Variants in CCDC15 observed in about 807,000 individuals in gnomAD.
The protein encoded by CCDC15 is coiled-coil domain containing 15, also known as coiled-coil domain-containing protein 15.
In CCDC15, 105 loss-of-function variants were observed where a neutral mutation model predicts 114.5. The ratio of observed to expected loss-of-function variants is 0.92; its 90% CI spans 0.78 to 1.08. The LOEUF (loss-of-function observed/expected upper bound fraction) is 1.08. Ranked by LOEUF, CCDC15 falls within the 50% of genes least tolerant of loss-of-function variation. The pLI is 0.00. For synonymous variants in CCDC15, 334 were observed against 377.8 expected (o/e 0.88, Z 1.34); for missense variants, 1,105 against 1,093.6 (o/e 1.01, Z -0.15).
Position 124,964,692 on chromosome 11 carries a change from T to G in CCDC15, c.516+4689T>G, listed in dbSNP as rs993451618. On this transcript the variant is annotated intron_variant, in intron 4 of 15. Coordinates refer to ENST00000344762, the MANE Select transcript of CCDC15 (RefSeq NM_025004.3). ...CTAACACTGTGTTGAGTAGGAGTGG[T>G]GAGAGAGGGCATCGCTGTCTTGTGC... is the stretch of plus-strand genomic sequence containing the variant. 5.9e-5 allele frequency among the ~76,000 whole-genome samples: 9 copies of G among 152,316 alleles called. No individual in the cohort carries two copies. In the East Asian group the frequency reaches 1.7e-3, roughly 29 times the overall value.
In CCDC15 at chr11:124,954,383, C is replaced by T. The variant is rs559570694; in HGVS notation, c.-10+13C>T. On this transcript the variant is annotated intron_variant, in intron 1 of 15. Transcript: ENST00000344762. ...GCTGCAGACACAGGTCCCCGCCCCT[C>T]CCTCTTTCTCCGGGTTGCAGCTGTC... is the stretch of plus-strand genomic sequence containing the variant. 2 of 197,448 alleles carry T rather than the reference C, an allele frequency of 1.0e-5. No individual in the cohort carries two copies. Among genetic ancestry groups the T allele is most frequent in the South Asian group, 8.1e-5 (1 of 12,286 alleles). 12.2% of individuals were successfully genotyped at this position (197,448 alleles called of 1,614,324 possible). A position where few individuals can be genotyped will look rare whatever the true frequency, so the allele number is the denominator to read the frequency against.
intron 4 of CCDC15, among the ~76,000 whole-genome samples, chr11:124,967,383 A>T (rs1450108828): frequency 6.6e-6 from 1 of 151,950 alleles, no homozygotes; most frequent in Non-Finnish European, 1.5e-5. Context: ...CATTAATTTG[A>T]TCTTCAGTCA....
At chr11:125,018,379 A>G (rs1218424383) in intron 13 of CCDC15, among the ~76,000 whole-genome samples, 1 of 152,090 alleles carries the variant, frequency 6.6e-6, no homozygotes, top group Non-Finnish European at 1.5e-5. Flanking sequence ...AGGCTATACC[A>G]TCTAGGTTTG....
At chr11:124,955,011 G>C (rs1240854989) in intron 2 of CCDC15, 102 bp downstream of exon 2, 1 of 1,025,544 alleles carries the variant, frequency 9.8e-7, no homozygotes, top group Non-Finnish European at 1.4e-6. Flanking sequence ...CGAGGATGCT[G>C]TTTCTATTCT....
At chr11:124,999,620 A>AT (rs1454382160) in intron 11 of CCDC15, among the ~76,000 whole-genome samples, 10 of 151,734 alleles carry the variant, frequency 6.6e-5, no homozygotes, top group African/African-American at 1.9e-4. Context: ...TTGGATCTGC[A>AT]TTTTTTTAAT....
In CCDC15 at chr11:125,040,728, A is replaced by G; in HGVS notation, c.*17A>G. The G allele has an allele frequency of 6.2e-7, 1 of 1,607,826 alleles. No homozygotes were observed. Among genetic ancestry groups the G allele is most frequent in the Non-Finnish European group, 8.5e-7 (1 of 1,176,418 alleles). ...AATCTATAATAAGAATCTGAAATTA[A>G]CTGGTAGTATTTTGGCTTTTACTTA... On this transcript the variant is annotated 3_prime_UTR_variant, in exon 16 of 16. Coordinates refer to ENST00000344762, the MANE Select transcript of CCDC15 (RefSeq NM_025004.3).
At chr11:124,966,462 G>GCTTTTTTTT (rs1191794548) in intron 4 of CCDC15, among the ~76,000 whole-genome samples, 1 of 144,310 alleles carries the variant, frequency 6.9e-6, no homozygotes, top group African/African-American at 2.7e-5. Flanking sequence ...TGCAACCCCT[G>GCTTTTTTTT]CTTTTTTTTT....
At chr11:125,028,890 A>G (rs770578180) in intron 13 of CCDC15, among the ~76,000 whole-genome samples, 1 of 152,136 alleles carries the variant, frequency 6.6e-6, no homozygotes, top group Non-Finnish European at 1.5e-5. Flanking sequence ...AACTAATGGA[A>G]TAGATAAATA....
chr11:124,993,110 T>C lies in CCDC15; in HGVS notation c.2140-59T>C, dbSNP rs535074884. The C allele has an allele frequency of 1.6e-5, 16 of 1,029,324 alleles. No homozygotes were observed. In the East Asian group the frequency reaches 3.8e-4, roughly 24 times the overall value. The allele number at this position is 1,029,324 out of a possible 1,614,324, so 63.8% of individuals were successfully genotyped here. On this transcript the variant is annotated intron_variant, in intron 10 of 15. Transcript: ENST00000344762. ...GGATTGTCACTGAAGTCTATAATAC[T>C]GTCACTAGCCCGTCATTTCTGCTTA...
chr11:125,030,200 A>G (rs1005481810), intron 13 of CCDC15, among the ~76,000 whole-genome samples: 5 of 152,126 alleles, frequency 3.3e-5, no homozygotes, highest in African/African-American at 1.2e-4. Flanking sequence ...AATCCTGGCT[A>G]TGGGAGAAAC....
intron 13 of CCDC15, among the ~76,000 whole-genome samples, chr11:125,009,077 G>A (rs571772194): frequency 6.6e-6 from 1 of 151,854 alleles, no homozygotes; most frequent in South Asian, 2.1e-4. Flanking sequence ...AACTAGCTGG[G>A]CATGGTGGCT....
At chr11:124,994,903 G>A (rs1337709937) in intron 11 of CCDC15, among the ~76,000 whole-genome samples, 1 of 152,206 alleles carries the variant, frequency 6.6e-6, no homozygotes, top group Non-Finnish European at 1.5e-5. Context: ...GCAACCAGCA[G>A]TGTTAGGCTG....
At chr11:124,957,562 A>G (rs1947573368) in intron 2 of CCDC15, among the ~76,000 whole-genome samples, 1 of 152,178 alleles carries the variant, frequency 6.6e-6, no homozygotes, top group Non-Finnish European at 1.5e-5. Context: ...TTGTGGAGTA[A>G]AAGAGGAGCA....
rs144350693 is a variant in CCDC15 at position 125,028,326 on chromosome 11, C to T, written c.2412-10105C>T. ...GATGGTGGTATTTTGATGGGAATTG[C>T]GTTGAATCTGTAGGTTGCTTTTGGC... On this transcript the variant is annotated intron_variant, in intron 13 of 15. Coordinates refer to ENST00000344762, the MANE Select transcript of CCDC15 (RefSeq NM_025004.3). Among the ~76,000 whole-genome samples the T allele has an allele frequency of 9.1e-3, 1,385 of 152,130 alleles. 18 individuals are homozygous for T. The highest frequency in any genetic ancestry group is 0.015 in the Non-Finnish European group (1,035 of 67,990).
rs185877490 is a variant in CCDC15, at chr11:125,032,998, T to A, written c.2412-5433T>A. Reference sequence around the variant, plus strand: ...CAGTTACCCTGGTAAAGTCCGGAGGTCTCCTTGGGGAAGGATGGGAGAAAG... The same window carrying A: ...CAGTTACCCTGGTAAAGTCCGGAGGACTCCTTGGGGAAGGATGGGAGAAAG... On this transcript the variant is annotated intron_variant, in intron 13 of 15. Coordinates refer to ENST00000344762, the MANE Select transcript of CCDC15 (RefSeq NM_025004.3). 1.4e-4 allele frequency among the ~76,000 whole-genome samples: 22 copies of A among 152,158 alleles called. No individual in the cohort carries two copies. In the East Asian group the frequency reaches 3.7e-3, roughly 25 times the overall value.
chr11:125,033,761 C>CT (rs1390729355), intron 13 of CCDC15, among the ~76,000 whole-genome samples: 2 of 152,136 alleles, frequency 1.3e-5, no homozygotes, highest in Middle Eastern at 3.2e-3. Flanking sequence ...CTATTAGAAT[C>CT]TTTTTTAACT....
At chr11:124,960,135 CTTTTT>C (rs57279788) in intron 4 of CCDC15, 132 bp downstream of exon 4, 27 of 435,404 alleles carry the variant, frequency 6.2e-5, no homozygotes, top group South Asian at 9.3e-5. Context: ...AATCATCCCC[CTTTTT>C]TTTTTTTTTT....
At chr11:125,005,256 A>C (rs753905449) in intron 13 of CCDC15, 44 bp downstream of exon 13, 14 of 891,308 alleles carry the variant, frequency 1.6e-5, no homozygotes, top group Non-Finnish European at 2.4e-5. Context: ...TTGCCAATTA[A>C]GATGTTTTTG....
chr11:124,959,312 T>C, intron 3 of CCDC15, 48 bp downstream of exon 3: 1 of 1,455,194 alleles, frequency 6.9e-7, no homozygotes, highest in Non-Finnish European at 9.2e-7. Flanking sequence ...AAAATATGTG[T>C]GTTATGAGAT....
Sources: gnomAD v4.1 joint callset for allele counts (sites outside exome capture counted in the v4.1 genomes callset) on GRCh38, gnomAD v4.1.1 for gene constraint, MANE v1.5 for transcripts, NCBI Gene and HGNC (gene_info 2026-07-23, HGNC 2026-07-21) for gene names.